Variants in DHRS7 observed in about 807,000 individuals in gnomAD.
DHRS7 encodes dehydrogenase/reductase 7.
A neutral mutation model predicts 38.9 loss-of-function variants in DHRS7; 34 were observed. The observed-to-expected ratio is 0.87, with a 90% CI of 0.66 to 1.16. The LOEUF (loss-of-function observed/expected upper bound fraction) is 1.16. Among genes scored for constraint, DHRS7 ranks in the 50% most tolerant of loss-of-function variants. DHRS7 has a pLI of 0.00. For missense variants in DHRS7, 421 were observed against 407.0 expected, an observed-to-expected ratio of 1.03 and a Z score of -0.30; for synonymous variants, 158 against 153.1, an observed-to-expected ratio of 1.03 and a Z score of -0.24.
In DHRS7 at chr14:60,144,769, G is replaced by A. The variant is rs1445062345; in HGVS notation, c.*197C>T. 8.6e-6 allele frequency: 5 copies of A among 582,472 alleles called. No individual in the cohort carries two copies. In the African/African-American group the frequency reaches 9.6e-5, roughly 11 times the overall value. 36.1% of individuals were successfully genotyped at this position (582,472 alleles called of 1,614,324 possible). ...TATTTTATCCAAGAATATAGTATGA[G>A]TTAATACCTTTTTTGCAAGATTCAT... On this transcript the variant is annotated 3_prime_UTR_variant, in exon 7 of 7. Coordinates refer to ENST00000557185, the MANE Select transcript of DHRS7 (RefSeq NM_016029.4).
At chr14:60,165,429 C>T, upstream of DHRS7, 1 of 1,410,958 alleles carries the variant, frequency 7.1e-7, no homozygotes, top group East Asian at 2.8e-5. This position sits in a 1 kb window ranked among gnomAD's most constrained non-coding sequence, Gnocchi z 4.6. Context: ...GCCCCGGCTC[C>T]GCCCAGGGAG....
In DHRS7 at chr14:60,162,474, C is replaced by T. The variant is rs952198577; in HGVS notation, c.133+2703G>A. 4.6e-5 allele frequency among the ~76,000 whole-genome samples: 7 copies of T among 151,960 alleles called. No homozygotes were observed. The highest frequency in any genetic ancestry group is 7.4e-5 in the Non-Finnish European group (5 of 67,992). ...AGGAGGCAGGAAATGGTGGCTGCCT[C>T]GAGAGAAGCACACTAGGTAGCTAGG... is the stretch of plus-strand genomic sequence containing the variant. On this transcript the variant is annotated intron_variant, in intron 1 of 6. Transcript: ENST00000557185. This position sits in a 1 kb window ranked among gnomAD's most constrained non-coding sequence, Gnocchi z 4.5.
rs1450697766 is a variant in DHRS7 at position 60,153,335 on chromosome 14, C to T, written c.394-157G>A. Reference sequence around the variant, plus strand: ...GCAATTAAAAAGATAAAATAAAGCCCTGAATTTACCTGTGGAATTAAATTC... The same window carrying T: ...GCAATTAAAAAGATAAAATAAAGCCTTGAATTTACCTGTGGAATTAAATTC... On this transcript the variant is annotated intron_variant, in intron 3 of 6. Coordinates refer to ENST00000557185, the MANE Select transcript of DHRS7 (RefSeq NM_016029.4). The surrounding 1 kb of genome is among the most constrained non-coding windows in gnomAD (Gnocchi z 4.4). 6.6e-6 allele frequency among the ~76,000 whole-genome samples: 1 copy of T among 152,118 alleles called. No individual in the cohort carries two copies. The highest frequency in any genetic ancestry group is 1.9e-4 in the East Asian group (1 of 5,198).
At chr14:60,165,516 C>T (rs1896855875), upstream of DHRS7, 10 of 1,287,228 alleles carry the variant, frequency 7.8e-6, no homozygotes, top group African/African-American at 1.2e-4. This position sits in a 1 kb window ranked among gnomAD's most constrained non-coding sequence, Gnocchi z 4.6. Context: ...GGGCGGCCCG[C>T]GCCCTCATGC....
chr14:60,156,870 T>C (rs961147835), intron 1 of DHRS7, among the ~76,000 whole-genome samples: 4 of 152,216 alleles, frequency 2.6e-5, no homozygotes, highest in Non-Finnish European at 5.9e-5. Flanking sequence ...TCTCCAATTA[T>C]GTTCCTCTTA....
At chr14:60,147,894 T>G (rs951764282) in intron 6 of DHRS7, 3 of 152,262 alleles carry the variant, frequency 2.0e-5, no homozygotes. Flanking sequence ...GGCACAAAGC[T>G]ACTGCATCAG....
intron 4 of DHRS7, among the ~76,000 whole-genome samples, chr14:60,151,865 C>A (rs1191777281): frequency 6.6e-6 from 1 of 152,200 alleles, no homozygotes. Flanking sequence ...GACAGCTCAT[C>A]TGTGTTTACT....
intron 4 of DHRS7, among the ~76,000 whole-genome samples, chr14:60,150,606 GGTTTC>G (rs1181752533): frequency 1.3e-5 from 2 of 152,052 alleles, no homozygotes; most frequent in Non-Finnish European, 2.9e-5. Context: ...TGAGAATGAT[GGTTTC>G]TAGGTTCATC....
At position 60,144,911 on chromosome 14, in the gene DHRS7, G is replaced by C. The variant is rs1896359270; in HGVS notation, c.*55C>G. Reference sequence around the variant, plus strand: ...TATTCAGAAGCATAAGAAGATTGCTGTTTTCATGTTTTCCATTTCTCCCTC... The same window carrying C: ...TATTCAGAAGCATAAGAAGATTGCTCTTTTCATGTTTTCCATTTCTCCCTC... On this transcript the variant is annotated 3_prime_UTR_variant, in exon 7 of 7. Transcript: ENST00000557185. The C allele has an allele frequency of 7.0e-7, 1 of 1,422,356 alleles. No individual in the cohort carries two copies. The highest frequency in any genetic ancestry group is 9.9e-7 in the Non-Finnish European group (1 of 1,009,408). The allele number at this position is 1,422,356 out of a possible 1,614,324, so 88.1% of individuals were successfully genotyped here. A position where few individuals can be genotyped will look rare whatever the true frequency, so the allele number is the denominator to read the frequency against.
intron 6 of DHRS7, chr14:60,147,702 A>C (rs1896443556): frequency 6.6e-6 from 1 of 152,198 alleles, no homozygotes; most frequent in Admixed American, 6.5e-5. Flanking sequence ...TATCATCATT[A>C]ATCTCCATCT....
upstream of DHRS7, among the ~76,000 whole-genome samples, chr14:60,167,117 G>A (rs1233948137): frequency 2.0e-5 from 3 of 152,204 alleles, no homozygotes; most frequent in South Asian, 2.1e-4. Context: ...AACCAGAAGA[G>A]TATAATTGGA....
At chr14:60,149,980 A>G in intron 5 of DHRS7, 85 bp downstream of exon 5, 7 of 1,396,540 alleles carry the variant, frequency 5.0e-6, no homozygotes, top group Non-Finnish European at 4.8e-6. Flanking sequence ...GGCAAAAACT[A>G]TGATATACAG....
chr14:60,165,433 C>T, upstream of DHRS7: 1 of 1,407,004 alleles, frequency 7.1e-7, no homozygotes, highest in Non-Finnish European at 9.2e-7. This position sits in a 1 kb window ranked among gnomAD's most constrained non-coding sequence, Gnocchi z 4.6. Flanking sequence ...CGGCTCCGCC[C>T]AGGGAGCAGG....
chr14:60,168,385 CA>C (rs1479410456), upstream of DHRS7, among the ~76,000 whole-genome samples: 2 of 152,144 alleles, frequency 1.3e-5, no homozygotes, highest in African/African-American at 4.8e-5. Context: ...TCTAGAACTT[CA>C]AACACTCATG....
At chr14:60,160,415 T>C (rs1346759091) in intron 1 of DHRS7, among the ~76,000 whole-genome samples, 1 of 151,638 alleles carries the variant, frequency 6.6e-6, no homozygotes, top group African/African-American at 2.4e-5. Flanking sequence ...CGTGTGTGTT[T>C]AAAATAGAAA....
At position 60,144,555 on chromosome 14, in the gene DHRS7, G is replaced by T. The variant is rs1487411415; in HGVS notation, c.*411C>A. 2 of 197,590 alleles carry T rather than the reference G, an allele frequency of 1.0e-5. No individual in the cohort carries two copies. Among genetic ancestry groups the T allele is most frequent in the African/African-American group, 2.4e-5 (1 of 41,666 alleles). The allele number at this position is 197,590 out of a possible 1,614,324, so 12.2% of individuals were successfully genotyped here. On this transcript the variant is annotated 3_prime_UTR_variant, in exon 7 of 7. Transcript: ENST00000557185. The stretch of plus-strand genomic sequence containing the variant: ...GGTGCCATCTTGGAAGCAGAGATCA[G>T]CCTTCACCAGACACTAATTCTGCTG...
intron 1 of DHRS7, among the ~76,000 whole-genome samples, chr14:60,163,405 T>C (rs1429458266): frequency 1.3e-5 from 2 of 152,140 alleles, no homozygotes; most frequent in East Asian, 1.9e-4. Flanking sequence ...CCTCCTACCT[T>C]AGCCTCCAGA....
upstream of DHRS7, chr14:60,169,878 A>T (rs528464586): frequency 6.6e-6 from 1 of 152,394 alleles, no homozygotes; most frequent in South Asian, 2.1e-4. Context: ...ATGGGGCATG[A>T]GAGCAGTGAG....
chr14:60,153,532 T>C lies in DHRS7; in HGVS notation c.394-354A>G, dbSNP rs1896593178. Among the ~76,000 whole-genome samples the C allele has an allele frequency of 6.6e-6, 1 of 151,940 alleles. No individual in the cohort carries two copies. The highest frequency in any genetic ancestry group is 2.1e-4 in the South Asian group (1 of 4,814). ...CAACATGGTGAAACCCCATCTCTAC[T>C]AAAAAATATAAAAATTAGCTGGGCG... On this transcript the variant is annotated intron_variant, in intron 3 of 6. Coordinates refer to ENST00000557185, the MANE Select transcript of DHRS7 (RefSeq NM_016029.4). The surrounding 1 kb of genome is among the most constrained non-coding windows in gnomAD (Gnocchi z 4.4).
Sources: gnomAD v4.1 joint callset for allele counts (sites outside exome capture counted in the v4.1 genomes callset) on GRCh38, gnomAD v4.1.1 for gene constraint, Gnocchi (gnomAD v3.1) non-coding constraint, MANE v1.5 for transcripts, NCBI Gene and HGNC (gene_info 2026-07-23, HGNC 2026-07-21) for gene names.